Variants in PREX2 observed in about 807,000 individuals in gnomAD.
PREX2 encodes the protein phosphatidylinositol-3,4,5-trisphosphate dependent Rac exchange factor 2, also known as phosphatidylinositol 3,4,5-trisphosphate-dependent Rac exchanger 2 protein.
Under a neutral mutation model 203.2 loss-of-function variants are expected in PREX2, and 107 were observed. That is an observed-to-expected ratio of 0.53 (90% confidence interval 0.45 to 0.62). PREX2 has a LOEUF of 0.62. Ranked by LOEUF, PREX2 falls within the 20% of genes least tolerant of loss-of-function variation. The pLI is 0.00. For missense variants in PREX2, 1,777 were observed against 1,955.9 expected (o/e 0.91, Z 1.72); for synonymous variants, 672 against 663.6 (o/e 1.01, Z -0.19).
At chr8:68,045,744 A>G (rs1426078028) in intron 8 of PREX2, among the ~76,000 whole-genome samples, 2 of 152,036 alleles carry the variant, frequency 1.3e-5, no homozygotes, top group East Asian at 1.9e-4. Flanking sequence ...GCAGAGGTAG[A>G]TATCTCATTT....
intron 37 of PREX2, among the ~76,000 whole-genome samples, chr8:68,196,151 CTG>C (rs1298756405): frequency 6.6e-6 from 1 of 151,984 alleles, no homozygotes; most frequent in African/African-American, 2.4e-5. Flanking sequence ...TGTCTGTACT[CTG>C]TTCAACTTCG....
intron 1 of PREX2, among the ~76,000 whole-genome samples, chr8:67,953,943 T>A (rs1355621306): frequency 6.6e-6 from 1 of 152,248 alleles, no homozygotes; most frequent in Non-Finnish European, 1.5e-5. Context: ...GTTCTTTGTC[T>A]TTTGAAGAAT....
chr8:68,061,196 G>A (rs1808840334), intron 11 of PREX2, among the ~76,000 whole-genome samples: 1 of 152,186 alleles, frequency 6.6e-6, no homozygotes, highest in African/African-American at 2.4e-5. Context: ...CGGCACGGTG[G>A]CGGGTGAGTT....
intron 1 of PREX2, among the ~76,000 whole-genome samples, chr8:67,967,706 C>T (rs1383531690): frequency 1.3e-5 from 2 of 152,144 alleles, no homozygotes; most frequent in Non-Finnish European, 2.9e-5. Flanking sequence ...CTTAGATAAT[C>T]CCAGACGTGA....
rs766442992 is a variant in PREX2, at chr8:68,146,268, A to C, written c.4147A>C (p.Ile1383Leu). 1.9e-6 allele frequency: 3 copies of C among 1,612,006 alleles called. No homozygotes were observed. The change falls in exon 34 of 40, where the codon ATT becomes CTT. Residue 1383 changes from isoleucine to leucine, a missense_variant. Transcript: ENST00000288368. ...GCAAGCTCTGAAAGTTTACTTCTAC[A>C]TTGATAGTTATCATTTTGAACAACT... Reference protein sequence around the residue: ...SRQALKVYFYIDSYHFEQLPQ... With the variant: ...SRQALKVYFYLDSYHFEQLPQ...
In PREX2 at chr8:68,186,935, A is replaced by G. The variant is rs563464381; in HGVS notation, c.4347-4787A>G. Among the ~76,000 whole-genome samples the G allele has an allele frequency of 1.1e-4, 17 of 152,278 alleles. No homozygotes were observed. In the South Asian group the frequency reaches 1.9e-3, roughly 17 times the overall value. Reference sequence around the variant, plus strand: ...TTCCTTTAAACATTCGCACCATTGAATAGTTGAAGACTTGTATCAAGTCAA... The same window carrying G: ...TTCCTTTAAACATTCGCACCATTGAGTAGTTGAAGACTTGTATCAAGTCAA... On this transcript the variant is annotated intron_variant, in intron 35 of 39. Transcript: ENST00000288368.
At chr8:68,149,889 T>G (rs1811400658) in intron 34 of PREX2, among the ~76,000 whole-genome samples, 1 of 152,242 alleles carries the variant, frequency 6.6e-6, no homozygotes, top group African/African-American at 2.4e-5. Flanking sequence ...CAGCTAATCT[T>G]TATTTAATTA....
At chr8:68,138,971 G>A (rs1325443196) in intron 33 of PREX2, among the ~76,000 whole-genome samples, 1 of 151,886 alleles carries the variant, frequency 6.6e-6, no homozygotes, top group Non-Finnish European at 1.5e-5. Context: ...ATTTTCATTT[G>A]ATCCATGATC....
intron 1 of PREX2, among the ~76,000 whole-genome samples, chr8:67,981,155 A>T (rs1464451701): frequency 6.6e-6 from 1 of 152,244 alleles, no homozygotes; most frequent in East Asian, 1.9e-4. Flanking sequence ...ATTGGGAAAA[A>T]GATGTTGGGT....
chr8:68,138,603 T>C, intron 33 of PREX2, 86 bp downstream of exon 33: 1 of 583,652 alleles, frequency 1.7e-6, no homozygotes, highest in South Asian at 2.8e-5. Flanking sequence ...TTGATAAGTA[T>C]TTTATGAACT....
intron 18 of PREX2, among the ~76,000 whole-genome samples, chr8:68,085,367 T>C (rs1400043932): frequency 1.3e-5 from 2 of 152,342 alleles, no homozygotes; most frequent in East Asian, 1.9e-4. Context: ...AAAAAACTTG[T>C]TTGAAATAAA....
chr8:67,956,190 T>C (rs1805489650), intron 1 of PREX2, among the ~76,000 whole-genome samples: 1 of 152,262 alleles, frequency 6.6e-6, no homozygotes, highest in South Asian at 2.1e-4. Flanking sequence ...AATAAATGAT[T>C]ACATGAACCT....
chr8:68,198,762 T>A (rs1812446941), intron 37 of PREX2, among the ~76,000 whole-genome samples: 1 of 152,202 alleles, frequency 6.6e-6, no homozygotes, highest in South Asian at 2.1e-4. Context: ...GTGTAAGAAA[T>A]TTCTAGTGAA....
At chr8:68,207,267 C>T (rs1007701835) in intron 37 of PREX2, among the ~76,000 whole-genome samples, 3 of 152,034 alleles carry the variant, frequency 2.0e-5, no homozygotes. Context: ...GAATCATATC[C>T]CATTTAGAAG....
At chr8:68,147,364 T>C (rs1811349106) in intron 34 of PREX2, among the ~76,000 whole-genome samples, 1 of 152,196 alleles carries the variant, frequency 6.6e-6, no homozygotes, top group South Asian at 2.1e-4. Context: ...TCATCTTGAA[T>C]TCCCGTGTGT....
At chr8:68,057,071 C>T (rs1394170376) in intron 10 of PREX2, among the ~76,000 whole-genome samples, 1 of 152,136 alleles carries the variant, frequency 6.6e-6, no homozygotes, top group East Asian at 1.9e-4. Flanking sequence ...GTAATCCCCA[C>T]GTGTCAGGGG....
chr8:67,964,649 C>A (rs564885750), intron 1 of PREX2, among the ~76,000 whole-genome samples: 10 of 151,880 alleles, frequency 6.6e-5, no homozygotes, highest in Non-Finnish European at 1.2e-4. Context: ...CATTGGCTTT[C>A]ACTACAGAAA....
chr8:68,177,806 C>T (rs1812010181), intron 35 of PREX2, among the ~76,000 whole-genome samples: 1 of 152,066 alleles, frequency 6.6e-6, no homozygotes, highest in Non-Finnish European at 1.5e-5. Context: ...ATACAACAGG[C>T]TCCAATGTGT....
At chr8:67,995,424 T>A (rs554105326) in intron 1 of PREX2, among the ~76,000 whole-genome samples, 50 of 152,316 alleles carry the variant, frequency 3.3e-4, no homozygotes, top group African/African-American at 1.2e-3. Flanking sequence ...AATGCTGTAA[T>A]TTGAAAATAG....
Sources: gnomAD v4.1 joint callset for allele counts (sites outside exome capture counted in the v4.1 genomes callset) on GRCh38, gnomAD v4.1.1 for gene constraint, MANE v1.5 for transcripts, NCBI Gene and HGNC (gene_info 2026-07-23, HGNC 2026-07-21) for gene names.